Variants in EBF1 observed in about 807,000 individuals in gnomAD.
The protein encoded by EBF1 is transcription factor COE1.
Under a neutral mutation model 68.4 loss-of-function variants are expected in EBF1, and 10 were observed. That is an observed-to-expected ratio of 0.15 (90% CI 0.09 to 0.25). The LOEUF is 0.25. EBF1 is among the 10% of genes least tolerant of loss of function. EBF1 has a pLI of 1.00. For synonymous variants in EBF1, 298 were observed against 299.8 expected, an observed-to-expected ratio of 0.99 and a Z score of 0.06; for missense variants, 509 against 794.4, an observed-to-expected ratio of 0.64 and a Z score of 4.32.
intron 7 of EBF1, among the ~76,000 whole-genome samples, chr5:158,836,018 A>C (rs1406488669): frequency 6.6e-6 from 1 of 152,204 alleles, no homozygotes; most frequent in Admixed American, 6.5e-5. Flanking sequence ...GTGAACATGG[A>C]ACATGCTGAA....
At chr5:159,078,287 C>T (rs1779150635) in intron 5 of EBF1, among the ~76,000 whole-genome samples, 1 of 152,058 alleles carries the variant, frequency 6.6e-6, no homozygotes. Flanking sequence ...AGAGTGAGCA[C>T]CAACCTCCAC....
chr5:159,004,475 G>T lies in EBF1; in HGVS notation c.554+68921C>A, dbSNP rs546760735. 4.6e-5 allele frequency among the ~76,000 whole-genome samples: 7 copies of T among 152,232 alleles called. No individual in the cohort carries two copies. The East Asian group carries it at 1.4e-3, about 29-fold the overall frequency. ...TACAGGACCTGGGACCAGAATTCGG[G>T]TCTTTCCAGAACACTATCATTTTGC... On this transcript the variant is annotated intron_variant, in intron 6 of 15. Coordinates refer to ENST00000313708, the MANE Select transcript of EBF1 (RefSeq NM_024007.5).
At chr5:159,069,936 A>T (rs1309791043) in intron 6 of EBF1, among the ~76,000 whole-genome samples, 4 of 152,214 alleles carry the variant, frequency 2.6e-5, no homozygotes, top group Non-Finnish European at 4.4e-5. Context: ...ATTTCTAAAC[A>T]TGAAGTTTAT....
At chr5:158,758,497 GTT>G (rs1454906943) in intron 10 of EBF1, among the ~76,000 whole-genome samples, 6 of 152,126 alleles carry the variant, frequency 3.9e-5, no homozygotes, top group Non-Finnish European at 7.4e-5. Context: ...AAAAACTAGT[GTT>G]TTAGGACAAT....
chr5:158,984,325 C>T (rs1758519374), intron 6 of EBF1, among the ~76,000 whole-genome samples: 1 of 152,160 alleles, frequency 6.6e-6, no homozygotes, highest in South Asian at 2.1e-4. Context: ...TCTCAAGTCT[C>T]TTGTTCAACG....
intron 6 of EBF1, among the ~76,000 whole-genome samples, chr5:158,961,456 C>T (rs375418047): frequency 5.9e-5 from 9 of 151,984 alleles, no homozygotes; most frequent in East Asian, 3.9e-4. Flanking sequence ...TAGGATGTAA[C>T]GCTGTGCAAC....
At chr5:159,050,251 C>T (rs1216143507) in intron 6 of EBF1, among the ~76,000 whole-genome samples, 1 of 147,272 alleles carries the variant, frequency 6.8e-6, no homozygotes, top group Non-Finnish European at 1.5e-5. Flanking sequence ...TCCTCTCCTC[C>T]CTCTCCCTCT....
chr5:158,713,375 T>C (rs1759895124), intron 12 of EBF1, among the ~76,000 whole-genome samples: 1 of 152,220 alleles, frequency 6.6e-6, no homozygotes, highest in Non-Finnish European at 1.5e-5. Context: ...TACACTCACC[T>C]ATTTAAGAAC....
At chr5:159,052,236 A>C (rs1773881336) in intron 6 of EBF1, among the ~76,000 whole-genome samples, 1 of 151,656 alleles carries the variant, frequency 6.6e-6, no homozygotes, top group African/African-American at 2.4e-5. Flanking sequence ...TATGCCACGT[A>C]GGTATATGTG....
chr5:158,750,463 C>T (rs1236257961), intron 10 of EBF1, among the ~76,000 whole-genome samples: 1 of 151,568 alleles, frequency 6.6e-6, no homozygotes, highest in Non-Finnish European at 1.5e-5. Flanking sequence ...CATTTAGTAC[C>T]AAAGGTAATT....
At chr5:158,741,369 G>A (rs1430311764) in intron 10 of EBF1, among the ~76,000 whole-genome samples, 1 of 152,092 alleles carries the variant, frequency 6.6e-6, no homozygotes, top group Non-Finnish European at 1.5e-5. Context: ...CAGCCCAAGA[G>A]TTTGAAACCA....
intron 6 of EBF1, among the ~76,000 whole-genome samples, chr5:158,947,671 T>C (rs1454016061): frequency 6.6e-6 from 1 of 152,200 alleles, no homozygotes; most frequent in Non-Finnish European, 1.5e-5. Context: ...TAAGGTTTTC[T>C]CTAATCTATG....
chr5:158,764,267 T>G (rs2127628782), intron 10 of EBF1, among the ~76,000 whole-genome samples: 2 of 152,268 alleles, frequency 1.3e-5, no homozygotes, highest in Admixed American at 6.5e-5. Context: ...GGAGACAAGC[T>G]CTTGGCTGAT....
At chr5:158,868,545 G>A (rs145286933) in intron 6 of EBF1, among the ~76,000 whole-genome samples, 1 of 152,290 alleles carries the variant, frequency 6.6e-6, no homozygotes, top group Non-Finnish European at 1.5e-5. Flanking sequence ...ACATTAGAGA[G>A]AAGTTCACAG....
At chr5:158,983,418 G>A (rs1282534366) in intron 6 of EBF1, 1 of 152,170 alleles carries the variant, frequency 6.6e-6, no homozygotes, top group Non-Finnish European at 1.5e-5. Flanking sequence ...ACTCGTGGAG[G>A]CAGGAGGCAT....
At position 159,093,378 on chromosome 5, in the gene EBF1, C is replaced by T. The variant is rs73818936; in HGVS notation, c.411+2242G>A. On this transcript the variant is annotated intron_variant, in intron 4 of 15. Transcript: ENST00000313708. ...TATTCAACCTTTTCTCAGGCCACTC[C>T]CCACCAAAATATATCATTGCATGCA... 1.6e-3 allele frequency among the ~76,000 whole-genome samples: 236 copies of T among 152,252 alleles called. 2 individuals are homozygous for T. The highest frequency in any genetic ancestry group is 5.2e-3 in the African/African-American group (217 of 41,550).
At chr5:158,910,202 C>T (rs1805648377) in intron 6 of EBF1, among the ~76,000 whole-genome samples, 1 of 152,168 alleles carries the variant, frequency 6.6e-6, no homozygotes, top group African/African-American at 2.4e-5. Flanking sequence ...GTGTCCCAAT[C>T]TGTAAAATGG....
intron 6 of EBF1, among the ~76,000 whole-genome samples, chr5:159,064,521 C>G (rs185794280): frequency 9.9e-5 from 15 of 152,204 alleles, no homozygotes; most frequent in Admixed American, 5.9e-4. Context: ...AGATGGTATA[C>G]CCCGACGTGC....
At chr5:158,724,392 G>A (rs191075169) in intron 11 of EBF1, among the ~76,000 whole-genome samples, 5 of 152,270 alleles carry the variant, frequency 3.3e-5, no homozygotes, top group Non-Finnish European at 4.4e-5. Flanking sequence ...ATGTTAAGTC[G>A]TTCTTCATCC....
Sources: gnomAD v4.1 joint callset for allele counts (sites outside exome capture counted in the v4.1 genomes callset) on GRCh38, gnomAD v4.1.1 for gene constraint, MANE v1.5 for transcripts, NCBI Gene and HGNC (gene_info 2026-07-23, HGNC 2026-07-21) for gene names.